The following SPACA7 variants were observed in gnomAD, a reference collection of about 807,000 sequenced individuals.
SPACA7 encodes sperm acrosome-associated protein 7.
Under a neutral mutation model 26.3 loss-of-function variants are expected in SPACA7, and 19 were observed. The ratio of observed to expected loss-of-function variants is 0.72; its 90% CI spans 0.50 to 1.06. The LOEUF (loss-of-function observed/expected upper bound fraction) is 1.06. SPACA7 is among the 50% of genes least tolerant of loss of function. The probability of loss-of-function intolerance (pLI) is 0.00; values close to 1 mark genes in which losing one functional copy is unlikely to be tolerated. For synonymous variants in SPACA7, 84 were observed against 84.5 expected (o/e 0.99, Z 0.04); for missense variants, 211 against 229.9 (o/e 0.92, Z 0.53).
At chr13:112,423,115 A>G (rs538661119) in intron 5 of SPACA7, among the ~76,000 whole-genome samples, 1 of 152,308 alleles carries the variant, frequency 6.6e-6, no homozygotes, top group African/African-American at 2.4e-5. Context: ...TTTTGTTTCC[A>G]AAGTCGATAT....
chr13:112,390,409 G>A (rs1163236817), intron 1 of SPACA7, among the ~76,000 whole-genome samples: 2 of 152,170 alleles, frequency 1.3e-5, no homozygotes, highest in African/African-American at 4.8e-5. Flanking sequence ...ACGTGCAATT[G>A]AGCTCCATTC....
intron 1 of SPACA7, among the ~76,000 whole-genome samples, chr13:112,380,868 G>A (rs1884012154): frequency 6.6e-6 from 1 of 152,166 alleles, no homozygotes; most frequent in African/African-American, 2.4e-5. Context: ...ATGTTCAACA[G>A]AGAAAACTAG....
intron 4 of SPACA7, among the ~76,000 whole-genome samples, chr13:112,399,543 C>A (rs183310217): frequency 2.2e-4 from 34 of 152,364 alleles, no homozygotes; most frequent in Admixed American, 3.3e-4. Flanking sequence ...AGCCAGAGTG[C>A]CCCCAGGGGG....
chr13:112,401,447 G>T (rs1289369146), intron 5 of SPACA7, among the ~76,000 whole-genome samples: 3 of 152,032 alleles, frequency 2.0e-5, no homozygotes, highest in Admixed American at 6.6e-5. Flanking sequence ...TGGTCTTTTA[G>T]CCTCATTTCT....
At chr13:112,406,366 G>A (rs1401715263) in intron 5 of SPACA7, among the ~76,000 whole-genome samples, 1 of 152,136 alleles carries the variant, frequency 6.6e-6, no homozygotes, top group Non-Finnish European at 1.5e-5. Context: ...TCTGTGATTG[G>A]TTTATTTCAC....
intron 5 of SPACA7, 132 bp from the exon 6 acceptor site, chr13:112,432,312 C>G (rs1178621221): frequency 3.1e-6 from 2 of 642,696 alleles, no homozygotes; most frequent in Admixed American, 5.5e-5. Flanking sequence ...GCTGCAGCAC[C>G]TCACCCCGCT....
chr13:112,429,394 G>C (rs1876850782), intron 5 of SPACA7, among the ~76,000 whole-genome samples: 1 of 150,854 alleles, frequency 6.6e-6, no homozygotes, highest in Admixed American at 6.6e-5. Flanking sequence ...AAAAAAGAAA[G>C]AAAGAAATGA....
intron 1 of SPACA7, among the ~76,000 whole-genome samples, chr13:112,380,346 A>C (rs1425223364): frequency 7.0e-6 from 1 of 143,154 alleles, no homozygotes; most frequent in Non-Finnish European, 1.5e-5. Context: ...TGGAGGTTGC[A>C]GTGAGCCAAG....
Position 112,424,987 on chromosome 13 carries a change from A to G in SPACA7, c.446-7457A>G, listed in dbSNP as rs530465852. Among the ~76,000 whole-genome samples, 25 of 152,342 alleles carry G rather than the reference A, an allele frequency of 1.6e-4. No individual in the cohort carries two copies. In the South Asian group the frequency reaches 5.2e-3, roughly 32 times the overall value. Reference sequence around the variant, plus strand: ...ATGAATGAATGCATAGACACTGAGGAGAATGTGAAACCTTGACCCTTATTT... The same window carrying G: ...ATGAATGAATGCATAGACACTGAGGGGAATGTGAAACCTTGACCCTTATTT... On this transcript the variant is annotated intron_variant, in intron 5 of 6. Coordinates refer to ENST00000283550, the MANE Select transcript of SPACA7 (RefSeq NM_145248.5).
chr13:112,383,154 AAAGAAAGAAAGAAAGAAAGAAAG>A, intron 1 of SPACA7, among the ~76,000 whole-genome samples: 1 of 133,222 alleles, frequency 7.5e-6, no homozygotes, highest in African/African-American at 3.1e-5. Flanking sequence ...AGAAAGAAAG[AAAGAAAGAAAGAAAGAAAGAAAG>A]AAAGAAAGAA....
At position 112,414,388 on chromosome 13, in the gene SPACA7, C is replaced by CTTTTTTTTTTTTTTT. The variant is rs869183760; in HGVS notation, c.445+13250_445+13264dup. Among the ~76,000 whole-genome samples the CTTTTTTTTTTTTTTT allele has an allele frequency of 4.1e-4, 13 of 31,396 alleles. 4 individuals are homozygous for CTTTTTTTTTTTTTTT. The highest frequency in any genetic ancestry group is 4.6e-4 in the Non-Finnish European group (8 of 17,230). 20.6% of individuals were successfully genotyped at this position (31,396 alleles called of 152,430 possible). ...AAGTTTCTGAATGGCTTTTCTGTGT[C>CTTTTTTTTTTTTTTT]TTTTTTTTTTTTTTTTTTTTTTTTT... On this transcript the variant is annotated intron_variant, in intron 5 of 6. Coordinates refer to ENST00000283550, the MANE Select transcript of SPACA7 (RefSeq NM_145248.5).
intron 1 of SPACA7, among the ~76,000 whole-genome samples, chr13:112,390,277 C>A (rs1325519385): frequency 6.6e-6 from 1 of 152,042 alleles, no homozygotes; most frequent in Non-Finnish European, 1.5e-5. Flanking sequence ...GAGATCTGGG[C>A]CATGGCCACT....
intron 5 of SPACA7, among the ~76,000 whole-genome samples, chr13:112,409,523 AAAAC>A (rs201788505): frequency 0.08 from 12,216 of 151,960 alleles, 1,046 homozygotes; most frequent in East Asian, 0.27. Flanking sequence ...TTACAAGAAA[AAAAC>A]AAACAACCCC....
At chr13:112,412,755 G>C (rs139414425) in intron 5 of SPACA7, among the ~76,000 whole-genome samples, 1 of 152,160 alleles carries the variant, frequency 6.6e-6, no homozygotes. Flanking sequence ...TGTTGAAAAT[G>C]AATTGGCTGT....
chr13:112,414,927 G>T (rs111784228), intron 5 of SPACA7, among the ~76,000 whole-genome samples: 2,091 of 152,164 alleles, frequency 0.014, 44 homozygotes, highest in African/African-American at 0.048. Context: ...TCATCACATG[G>T]GCTTTGTTTC....
At chr13:112,400,671 C>A (rs1040477054) in intron 4 of SPACA7, among the ~76,000 whole-genome samples, 2 of 152,224 alleles carry the variant, frequency 1.3e-5, no homozygotes, top group African/African-American at 4.8e-5. Flanking sequence ...ATCCTCCTTT[C>A]CTGCCCGCAC....
intron 3 of SPACA7, 92 bp downstream of exon 3, chr13:112,398,230 G>C: frequency 1.1e-6 from 1 of 940,332 alleles, no homozygotes; most frequent in Non-Finnish European, 1.7e-6. Context: ...CCTATAATTT[G>C]AGCATTAAGA....
At chr13:112,383,106 AAAAGAAAAGAAAAGAAAAG>A (rs1566452749) in intron 1 of SPACA7, among the ~76,000 whole-genome samples, 14 of 22,894 alleles carry the variant, frequency 6.1e-4, no homozygotes, top group Admixed American at 6.1e-4. Context: ...AAGAAGAAAG[AAAAGAAAAGAAAAGAAAAG>A]AAAGAAAGAA....
chr13:112,390,905 C>T (rs1425488641), intron 1 of SPACA7, among the ~76,000 whole-genome samples: 1 of 152,192 alleles, frequency 6.6e-6, no homozygotes, highest in Non-Finnish European at 1.5e-5. Context: ...GACAGGAAAC[C>T]CTCACTGCGT....
Sources: gnomAD v4.1 joint callset for allele counts (sites outside exome capture counted in the v4.1 genomes callset) on GRCh38, gnomAD v4.1.1 for gene constraint, MANE v1.5 for transcripts, NCBI Gene and HGNC (gene_info 2026-07-23, HGNC 2026-07-21) for gene names.